The following LAPTM4B variants were observed in gnomAD, a reference collection of about 807,000 sequenced individuals.
The protein encoded by LAPTM4B is lysosomal-associated transmembrane protein 4B.
LAPTM4B carries 26 observed loss-of-function variants against 28.5 expected under a neutral mutation model. The observed-to-expected ratio is 0.91, with a 90% CI of 0.67 to 1.27. The LOEUF (loss-of-function observed/expected upper bound fraction) is 1.27, where lower values mean the gene tolerates loss of function less well. Ranked by LOEUF, LAPTM4B falls within the 50% of genes most tolerant of loss-of-function variation. LAPTM4B has a pLI of 0.00. For synonymous variants in LAPTM4B, 109 were observed against 106.4 expected (o/e 1.02, Z -0.15); for missense variants, 288 against 285.8 (o/e 1.01, Z -0.06).
intron 1 of LAPTM4B, among the ~76,000 whole-genome samples, chr8:97,803,636 C>T (rs1816721851): frequency 6.6e-6 from 1 of 151,932 alleles, no homozygotes; most frequent in Non-Finnish European, 1.5e-5. Context: ...CAGGTATTTC[C>T]AAGTATGTGG....
At chr8:97,823,882 A>G (rs1236651003) in intron 5 of LAPTM4B, among the ~76,000 whole-genome samples, 1 of 149,602 alleles carries the variant, frequency 6.7e-6, no homozygotes, top group Non-Finnish European at 1.5e-5. Flanking sequence ...GTATTTTAGT[A>G]GAGATGGAGT....
At chr8:97,798,033 G>A (rs1816618050) in intron 1 of LAPTM4B, among the ~76,000 whole-genome samples, 1 of 102,560 alleles carries the variant, frequency 9.8e-6, no homozygotes, top group African/African-American at 4.0e-5. Flanking sequence ...GCATAAGTGT[G>A]TCCCCTCTTT....
rs1002335763 is a variant in LAPTM4B, at chr8:97,834,555, G to C, written c.603+9402G>C. On this transcript the variant is annotated intron_variant, in intron 6 of 6. Coordinates refer to ENST00000521545, the MANE Select transcript of LAPTM4B (RefSeq NM_018407.6). ...TTTTGACATGTCCCTGGTTGTGTGTGTGTGTGTGTGTGTTTATGTGTGTGT... is the reference window on the plus strand; with the variant it reads ...TTTTGACATGTCCCTGGTTGTGTGTCTGTGTGTGTGTGTTTATGTGTGTGT... 8.9e-4 allele frequency among the ~76,000 whole-genome samples: 136 copies of C among 152,120 alleles called. 1 individual carries two copies. The highest frequency in any genetic ancestry group is 1.8e-3 in the Non-Finnish European group (119 of 67,994).
At chr8:97,823,563 C>A (rs571455126) in intron 5 of LAPTM4B, among the ~76,000 whole-genome samples, 2 of 151,418 alleles carry the variant, frequency 1.3e-5, no homozygotes, top group East Asian at 3.9e-4. Flanking sequence ...TTAGTGGAGA[C>A]GGGGTTTCAC....
rs1206935364 is a variant in LAPTM4B at position 97,827,602 on chromosome 8, G to A, written c.603+2449G>A. On this transcript the variant is annotated intron_variant, in intron 6 of 6. Coordinates refer to ENST00000521545, the MANE Select transcript of LAPTM4B (RefSeq NM_018407.6). ...CAGACTTGCAGAGTGTTGGAGTGGG[G>A]AGGGGACACTTTTGGGGATTGAGCC... 2.6e-5 allele frequency among the ~76,000 whole-genome samples: 4 copies of A among 152,196 alleles called. No homozygotes were observed. The South Asian group carries it at 6.2e-4, about 24-fold the overall frequency.
intron 6 of LAPTM4B, among the ~76,000 whole-genome samples, chr8:97,842,093 T>C (rs549578419): frequency 3.3e-5 from 5 of 152,208 alleles, no homozygotes; most frequent in Non-Finnish European, 7.3e-5. Flanking sequence ...CTATCGCAAG[T>C]ATTTGACTTT....
chr8:97,804,559 A>T (rs530712101), intron 1 of LAPTM4B, among the ~76,000 whole-genome samples: 2 of 152,336 alleles, frequency 1.3e-5, no homozygotes, highest in South Asian at 4.1e-4. Flanking sequence ...TATGTATAAC[A>T]TGGGAATAAT....
chr8:97,778,489 A>G (rs1816260685), intron 1 of LAPTM4B, among the ~76,000 whole-genome samples: 1 of 152,076 alleles, frequency 6.6e-6, no homozygotes, highest in Admixed American at 6.6e-5. Flanking sequence ...TAACTTGTGC[A>G]AGCTGACTCC....
chr8:97,826,804 C>T (rs897218611), intron 6 of LAPTM4B, among the ~76,000 whole-genome samples: 8 of 152,286 alleles, frequency 5.3e-5, no homozygotes, highest in South Asian at 2.1e-4. Flanking sequence ...CCACTGTGCC[C>T]GGCCTGTTTT....
chr8:97,803,595 T>C (rs1035848062), intron 1 of LAPTM4B, among the ~76,000 whole-genome samples: 1 of 152,162 alleles, frequency 6.6e-6, no homozygotes, highest in Non-Finnish European at 1.5e-5. Context: ...CTTGAATGGA[T>C]GTTCTGTAAA....
intron 6 of LAPTM4B, among the ~76,000 whole-genome samples, chr8:97,836,031 T>A (rs1817255809): frequency 1.3e-5 from 2 of 152,142 alleles, no homozygotes. Flanking sequence ...TAATGCTTGA[T>A]CTGGGGTGGA....
chr8:97,780,442 TAAAAC>T (rs1485420055), intron 1 of LAPTM4B, among the ~76,000 whole-genome samples: 1 of 151,952 alleles, frequency 6.6e-6, no homozygotes, highest in Non-Finnish European at 1.5e-5. Context: ...AATAAATAAA[TAAAAC>T]AAAAAGTAAG....
chr8:97,836,477 G>A (rs373029869), intron 6 of LAPTM4B, among the ~76,000 whole-genome samples: 3 of 152,180 alleles, frequency 2.0e-5, no homozygotes, highest in South Asian at 2.1e-4. Context: ...TACTGTGCCC[G>A]GCCATAAATT....
intron 6 of LAPTM4B, among the ~76,000 whole-genome samples, chr8:97,841,555 T>C (rs1436034781): frequency 1.3e-5 from 2 of 152,236 alleles, no homozygotes; most frequent in East Asian, 3.8e-4. Flanking sequence ...CTTGAACTTC[T>C]GACCTCAGGT....
intron 1 of LAPTM4B, among the ~76,000 whole-genome samples, chr8:97,777,142 T>TTTTTTTTG (rs1816233101): frequency 7.9e-6 from 1 of 127,036 alleles, no homozygotes; most frequent in Admixed American, 7.7e-5. Flanking sequence ...GTGAGGTTTT[T>TTTTTTTTG]TTTTTTTTTT....
chr8:97,819,957 G>A lies in LAPTM4B; in HGVS notation c.507+719G>A, dbSNP rs185275115. Among the ~76,000 whole-genome samples the A allele has an allele frequency of 1.6e-3, 245 of 152,054 alleles. 4 individuals are homozygous for A. The East Asian group carries it at 0.045, about 28-fold the overall frequency. On this transcript the variant is annotated intron_variant, in intron 5 of 6. Coordinates refer to ENST00000521545, the MANE Select transcript of LAPTM4B (RefSeq NM_018407.6). ...TCACTGTGTTAGCCAGGATGGTCTC[G>A]ATCTCCTGACCTCATGATCCGCCCA...
At chr8:97,804,749 C>T (rs1462461808) in intron 1 of LAPTM4B, among the ~76,000 whole-genome samples, 1 of 152,108 alleles carries the variant, frequency 6.6e-6, no homozygotes, top group Non-Finnish European at 1.5e-5. Flanking sequence ...TTTAGAGGAG[C>T]TGAGTTTAAA....
intron 6 of LAPTM4B, among the ~76,000 whole-genome samples, chr8:97,849,323 G>T (rs1203106508): frequency 2.6e-5 from 4 of 152,130 alleles, no homozygotes. Context: ...TAGATTGCAG[G>T]CCCCTGAACA....
chr8:97,834,984 C>G (rs542972106), intron 6 of LAPTM4B, among the ~76,000 whole-genome samples: 20 of 152,294 alleles, frequency 1.3e-4, no homozygotes, highest in African/African-American at 4.6e-4. Context: ...TTACCATTAT[C>G]AATTAAGAAA....
Sources: allele counts gnomAD v4.1 joint callset (sites outside exome capture counted in the v4.1 genomes callset), GRCh38; gene constraint gnomAD v4.1.1; transcripts MANE v1.5; gene names NCBI Gene and HGNC (gene_info 2026-07-23, HGNC 2026-07-21).